Variants in ADCY6 observed in about 807,000 individuals in gnomAD.
ADCY6 encodes adenylate cyclase 6, also known as adenylate cyclase type 6.
A neutral mutation model predicts 111.6 loss-of-function variants in ADCY6; 59 were observed. That is an observed-to-expected ratio of 0.53 (90% CI 0.43 to 0.66). ADCY6 has a LOEUF of 0.66. Ranked by LOEUF, ADCY6 falls within the 30% of genes least tolerant of loss-of-function variation. The probability of loss-of-function intolerance (pLI) is 0.00; values close to 1 mark genes in which losing one functional copy is unlikely to be tolerated. For missense variants in ADCY6, 1,242 were observed against 1,595.6 expected, an observed-to-expected ratio of 0.78 and a Z score of 3.78; for synonymous variants, 576 against 642.9, an observed-to-expected ratio of 0.90 and a Z score of 1.57.
At position 48,774,396 on chromosome 12, in the gene ADCY6, C is replaced by T. The variant is rs750995199; in HGVS notation, c.2283+6G>A. On this transcript the variant is annotated splice_donor_region_variant and intron_variant, in intron 14 of 21. Transcript: ENST00000357869. Reference sequence around the variant, plus strand: ...AGAGGTGGGAGAATTCCCACTGGACCCTTACCATGTTGGCAATGGCAGAAG... The same window carrying T: ...AGAGGTGGGAGAATTCCCACTGGACTCTTACCATGTTGGCAATGGCAGAAG... 9.9e-6 allele frequency: 16 copies of T among 1,609,036 alleles called. No individual in the cohort carries two copies. The South Asian group carries it at 1.6e-4, about 17-fold the overall frequency.
In ADCY6 at chr12:48,783,861, G is replaced by C. The variant is rs1941919883; in HGVS notation, c.-4-423C>G. The C allele has an allele frequency of 3.3e-5, 6 of 179,602 alleles. No individual in the cohort carries two copies. The South Asian group carries it at 6.9e-4, about 21-fold the overall frequency. The allele number at this position is 179,602 out of a possible 1,614,324, so 11.1% of individuals were successfully genotyped here. A position where few individuals can be genotyped will look rare whatever the true frequency, so the allele number is the denominator to read the frequency against. On this transcript the variant is annotated intron_variant, in intron 1 of 21. Transcript: ENST00000357869. ...GCACTTTGGAAGGCCCTGGCAGGTA[G>C]ATCACAAGGTCAGGAGTTCAAGACC...
rs1291155049 is a variant in ADCY6, at chr12:48,768,244, A to G, written c.*347T>C. On this transcript the variant is annotated 3_prime_UTR_variant, in exon 22 of 22. Transcript: ENST00000357869. ...GAACCTGCTGCCCAGACAGACAGGG[A>G]AGGGTAGGCATGGCAAGCTGCCATT... The G allele has an allele frequency of 8.0e-6, 3 of 373,976 alleles. No individual in the cohort carries two copies. The highest frequency in any genetic ancestry group is 1.5e-5 in the Non-Finnish European group (3 of 199,122). 23.2% of individuals were successfully genotyped at this position (373,976 alleles called of 1,614,324 possible).
intron 1 of ADCY6, chr12:48,783,745 G>A: frequency 4.7e-6 from 2 of 424,734 alleles, no homozygotes; most frequent in South Asian, 5.2e-5. Flanking sequence ...GAATGTGAGA[G>A]CAACCTGGGC....
Position 48,776,145 on chromosome 12 carries a change from G to A in ADCY6, c.1678-54C>T. 2 of 1,613,748 alleles carry A rather than the reference G, an allele frequency of 1.2e-6. No homozygotes were observed. The highest frequency in any genetic ancestry group is 3.3e-5 in the Admixed American group (2 of 60,004). On this transcript the variant is annotated intron_variant, in intron 8 of 21. Transcript: ENST00000357869. The surrounding 1 kb of genome is among the most constrained non-coding windows in gnomAD (Gnocchi z 6.1). ...GAAGAGGGGCCCAGAGGAGGCCTTG[G>A]CCTGCTCCTCCCCATTTGTCCCTCT...
intron 2 of ADCY6, among the ~76,000 whole-genome samples, chr12:48,781,785 C>T (rs1941851613): frequency 6.6e-6 from 1 of 152,306 alleles, no homozygotes; most frequent in African/African-American, 2.4e-5. Flanking sequence ...GCAGGTCAGC[C>T]TACAGCCACT....
At chr12:48,788,327 C>T (rs780802962) in intron 1 of ADCY6, among the ~76,000 whole-genome samples, 1 of 152,188 alleles carries the variant, frequency 6.6e-6, no homozygotes, top group African/African-American at 2.4e-5. Flanking sequence ...GGCAAAGAGG[C>T]TCCCACGCCT....
rs755937305 is a variant in ADCY6, at chr12:48,783,108, G to A, written c.327C>T (p.Asp109=). Residue 109 remains aspartate, a synonymous_variant, in exon 2 of 22, where the codon GAC becomes GAT. Transcript: ENST00000357869. ...TAGGTAEVAP[D]AVPRSGRSCW... ...AGGATCGCCCACTCCTGGGCACCGC[G>A]TCGGGCGCCACCTCAGCCGTCCCGC... The A allele has an allele frequency of 2.6e-5, 42 of 1,610,242 alleles. No homozygotes were observed. The Middle Eastern group carries it at 9.9e-4, about 38-fold the overall frequency.
intron 1 of ADCY6, among the ~76,000 whole-genome samples, chr12:48,787,114 T>C (rs1313781489): frequency 1.3e-5 from 2 of 152,204 alleles, no homozygotes; most frequent in Non-Finnish European, 2.9e-5. Flanking sequence ...CCTGTGTCCT[T>C]GGCTGTCAGT....
Position 48,783,112 on chromosome 12 carries a change from G to A in ADCY6, c.323C>T (p.Pro108Leu). 1 of 1,610,164 alleles carries A rather than the reference G, an allele frequency of 6.2e-7. No homozygotes were observed. Among genetic ancestry groups the A allele is most frequent in the Non-Finnish European group, 8.5e-7 (1 of 1,179,194 alleles). The change falls in exon 2 of 22, where the codon CCC (proline) becomes CTC (leucine). Residue 108 changes from proline to leucine, a missense_variant. Pro to Leu is a moderately conservative substitution (Grantham distance 98, BLOSUM62 -3). Around this residue, in one of 4 missense-constraint regions of ADCY6, gnomAD observed 362 missense variants for 377.2 expected, o/e 0.96. Transcript: ENST00000357869. ...TCGCCCACTCCTGGGCACCGCGTCG[G>A]GCGCCACCTCAGCCGTCCCGCCCGC... The part of the protein sequence containing the change: ...TTAGGTAEVA[P>L]DAVPRSGRSC...
At position 48,777,310 on chromosome 12, in the gene ADCY6, G is replaced by A. The variant is rs565811927; in HGVS notation, c.1249-79C>T. The A allele has an allele frequency of 3.3e-5, 52 of 1,592,930 alleles. No homozygotes were observed. The highest frequency in any genetic ancestry group is 4.5e-5 in the Non-Finnish European group (52 of 1,168,240). On this transcript the variant is annotated intron_variant, in intron 5 of 21. Transcript: ENST00000357869. This position sits in a 1 kb window ranked among gnomAD's most constrained non-coding sequence, Gnocchi z 4.9. ...GCCTGCATGGCCCACCACCCTCCAC[G>A]CATACTCTATCTGCCCTCAAATCCC...
chr12:48,773,304 C>A (rs1301918225), intron 16 of ADCY6, among the ~76,000 whole-genome samples, 165 bp downstream of exon 16: 1 of 151,958 alleles, frequency 6.6e-6, no homozygotes, highest in Admixed American at 6.6e-5. Context: ...TTGGGGGTAA[C>A]TATTTGGGGT....
At position 48,777,279 on chromosome 12, in the gene ADCY6, C is replaced by G; in HGVS notation, c.1249-48G>C. ...GAAGGGTAACCTTTACTCTCTTGCC[C>G]ACCCAGCCTGCATGGCCCACCACCC... On this transcript the variant is annotated intron_variant, in intron 5 of 21. Coordinates refer to ENST00000357869, the MANE Select transcript of ADCY6 (RefSeq NM_015270.5). This position sits in a 1 kb window ranked among gnomAD's most constrained non-coding sequence, Gnocchi z 4.9. 1 of 1,596,354 alleles carries G rather than the reference C, an allele frequency of 6.3e-7. No homozygotes were observed. The highest frequency in any genetic ancestry group is 1.7e-5 in the Admixed American group (1 of 59,342).
chr12:48,779,354 T>C (rs1408475272), intron 2 of ADCY6, among the ~76,000 whole-genome samples: 1 of 152,212 alleles, frequency 6.6e-6, no homozygotes, highest in African/African-American at 2.4e-5. Context: ...TCCTGTGTCC[T>C]AATCCTACTA....
chr12:48,785,482 G>T (rs957337973), intron 1 of ADCY6, among the ~76,000 whole-genome samples: 3 of 152,190 alleles, frequency 2.0e-5, no homozygotes. Context: ...AGCCAGGCAT[G>T]GTGGCGCATG....
rs765968525 is a variant in ADCY6 at position 48,778,101 on chromosome 12, G to T, written c.1014+7C>A. ...GGGCAGGCCCTGGTCACGGGGAGCA[G>T]CCCCACCTGCTGCCGATTCTCATGC... On this transcript the variant is annotated splice_region_variant and intron_variant, in intron 3 of 21. Transcript: ENST00000357869. The T allele has an allele frequency of 1.9e-6, 3 of 1,603,850 alleles. No homozygotes were observed. The highest frequency in any genetic ancestry group is 2.6e-6 in the Non-Finnish European group (3 of 1,175,708).
intron 1 of ADCY6, among the ~76,000 whole-genome samples, chr12:48,787,066 C>T (rs746797071): frequency 1.3e-5 from 2 of 152,220 alleles, no homozygotes; most frequent in Non-Finnish European, 2.9e-5. Flanking sequence ...CAAGAACACA[C>T]GTCTTTCTAG....
chr12:48,769,580 C>T (rs1329363952), intron 20 of ADCY6, among the ~76,000 whole-genome samples: 1 of 150,664 alleles, frequency 6.6e-6, no homozygotes, highest in Non-Finnish European at 1.5e-5. Flanking sequence ...TGGCTTCATC[C>T]TTTCTTTTCT....
intron 1 of ADCY6, among the ~76,000 whole-genome samples, chr12:48,787,315 C>A (rs1227006381): frequency 2.0e-5 from 3 of 151,888 alleles, no homozygotes; most frequent in East Asian, 1.9e-4. Context: ...ATGTTCCAAG[C>A]CCCCTGGAAA....
intron 1 of ADCY6, among the ~76,000 whole-genome samples, chr12:48,787,477 G>A (rs964911120): frequency 8.5e-5 from 13 of 152,254 alleles, no homozygotes; most frequent in African/African-American, 3.1e-4. Flanking sequence ...CCCACCCTGG[G>A]CTCCACTCCA....
Sources: gnomAD v4.1 joint callset for allele counts (sites outside exome capture counted in the v4.1 genomes callset) on GRCh38, gnomAD v4.1.1 for gene constraint, gnomAD v4.1.1 regional missense constraint, Gnocchi (gnomAD v3.1) non-coding constraint, MANE v1.5 for transcripts, NCBI Gene and HGNC (gene_info 2026-07-23, HGNC 2026-07-21) for gene names.